CDIP1: variants seen among roughly 807,000 people sequenced by gnomAD.
The protein encoded by CDIP1 is cell death inducing p53 target 1.
A neutral mutation model predicts 17.7 loss-of-function variants in CDIP1; 9 were observed. The observed-to-expected ratio is 0.51, with a 90% CI of 0.31 to 0.89. The LOEUF is 0.89. Among genes scored for constraint, CDIP1 ranks in the 40% least tolerant of loss-of-function variants. The pLI is 0.05. For missense variants in CDIP1, 263 were observed against 277.9 expected (o/e 0.95, Z 0.38); for synonymous variants, 117 against 109.5 (o/e 1.07, Z -0.43).
intron 1 of CDIP1, among the ~76,000 whole-genome samples, chr16:4,535,412 T>C (rs929551668): frequency 6.6e-6 from 1 of 152,232 alleles, no homozygotes; most frequent in Non-Finnish European, 1.5e-5. Context: ...GCATCACAAC[T>C]GCTTTCAAGG....
intron 1 of CDIP1, among the ~76,000 whole-genome samples, chr16:4,520,221 C>T (rs972397854): frequency 3.9e-4 from 60 of 151,952 alleles, no homozygotes; most frequent in African/African-American, 1.4e-3. Flanking sequence ...AAGCGATTCT[C>T]CTGCCTCAGC....
chr16:4,538,166 A>G (rs547674394), intron 1 of CDIP1, among the ~76,000 whole-genome samples: 1 of 152,220 alleles, frequency 6.6e-6, no homozygotes, highest in African/African-American at 2.4e-5. Context: ...GCAGGCTGCC[A>G]TTCCGGGCGC....
intron 1 of CDIP1, among the ~76,000 whole-genome samples, chr16:4,531,363 A>T (rs763606801): frequency 1.3e-5 from 2 of 150,282 alleles, no homozygotes; most frequent in Admixed American, 6.7e-5. Context: ...GGGTTTCGCC[A>T]TGTTTGCCAT....
At chr16:4,537,068 G>C (rs1449563527) in intron 1 of CDIP1, among the ~76,000 whole-genome samples, 1 of 152,010 alleles carries the variant, frequency 6.6e-6, no homozygotes, top group African/African-American at 2.4e-5. Flanking sequence ...CTTCCATTAA[G>C]GTAAAAACCA....
At chr16:4,532,886 C>T (rs554548305) in intron 1 of CDIP1, 2 of 152,416 alleles carry the variant, frequency 1.3e-5, no homozygotes, top group African/African-American at 4.8e-5. Flanking sequence ...AATCTGAGAT[C>T]TGAGAAGTGC....
At chr16:4,532,572 C>T (rs536288919) in intron 1 of CDIP1, 2 of 152,338 alleles carry the variant, frequency 1.3e-5, no homozygotes, top group East Asian at 1.9e-4. Flanking sequence ...TTGCAGAGAG[C>T]TTGGGAAATC....
intron 1 of CDIP1, among the ~76,000 whole-genome samples, chr16:4,529,274 G>A (rs761917896): frequency 6.6e-6 from 1 of 152,192 alleles, no homozygotes; most frequent in Non-Finnish European, 1.5e-5. Flanking sequence ...TAGCCTAGGA[G>A]ACCCCGCCAG....
intron 1 of CDIP1, among the ~76,000 whole-genome samples, chr16:4,534,043 C>G (rs142715274): frequency 3.3e-5 from 5 of 152,076 alleles, no homozygotes; most frequent in East Asian, 1.9e-4. Flanking sequence ...CCCCAACTCC[C>G]GAGTTCAAGC....
chr16:4,519,323 G>A (rs2058920624), intron 1 of CDIP1, among the ~76,000 whole-genome samples: 2 of 152,190 alleles, frequency 1.3e-5, no homozygotes, highest in Admixed American at 6.5e-5. Flanking sequence ...GCGGACACCA[G>A]GTGGACGTCT....
At chr16:4,526,986 T>C (rs2059007459) in intron 1 of CDIP1, among the ~76,000 whole-genome samples, 1 of 151,838 alleles carries the variant, frequency 6.6e-6, no homozygotes, top group Non-Finnish European at 1.5e-5. Context: ...TTATCAAGAA[T>C]TGTGATGAGT....
rs371508965 is a variant in CDIP1, at chr16:4,531,264, G to A, written c.-105+7438C>T. Among the ~76,000 whole-genome samples the A allele has an allele frequency of 8.6e-5, 13 of 151,940 alleles. No individual in the cohort carries two copies. The East Asian group carries it at 1.2e-3, about 14-fold the overall frequency. ...AGGATGGTCTCGATCTCCCGACCTCGTGATCCGCCTACCTCGGCCTCCCAA... is the reference window on the plus strand; with the variant it reads ...AGGATGGTCTCGATCTCCCGACCTCATGATCCGCCTACCTCGGCCTCCCAA... On this transcript the variant is annotated intron_variant, in intron 1 of 5. Transcript: ENST00000567695.
At chr16:4,536,595 A>T (rs929890068) in intron 1 of CDIP1, 1 of 152,084 alleles carries the variant, frequency 6.6e-6, no homozygotes, top group South Asian at 2.1e-4. Context: ...CATACAGTCA[A>T]TGTTCTGCTC....
chr16:4,533,958 TTTTG>T (rs763558732), intron 1 of CDIP1, among the ~76,000 whole-genome samples: 1 of 152,028 alleles, frequency 6.6e-6, no homozygotes, highest in African/African-American at 2.4e-5. Flanking sequence ...TGCCATTCTT[TTTTG>T]TTTGTTTTGA....
chr16:4,521,269 GTGT>G lies in CDIP1; in HGVS notation c.-104-6608_-104-6606del, dbSNP rs550822479. ...AGAGGCATGGTAACAAATCATGGCCGTGTTATTATTAAAACAGTTCTGATCCTA... is the reference window on the plus strand; with the variant it reads ...AGAGGCATGGTAACAAATCATGGCCGTATTATTAAAACAGTTCTGATCCTA... On this transcript the variant is annotated intron_variant, in intron 1 of 5. Coordinates refer to ENST00000567695, the MANE Select transcript of CDIP1 (RefSeq NM_013399.3). 9.3e-4 allele frequency among the ~76,000 whole-genome samples: 142 copies of G among 152,238 alleles called. 1 individual carries two copies. Among genetic ancestry groups the G allele is most frequent in the Middle Eastern group, 3.4e-3 (1 of 294 alleles).
Position 4,512,697 on chromosome 16 carries a change from A to G in CDIP1, c.516-14T>C. 1 of 1,610,166 alleles carries G rather than the reference A, an allele frequency of 6.2e-7. No homozygotes were observed. Among genetic ancestry groups the G allele is most frequent in the East Asian group, 2.2e-5 (1 of 44,758 alleles). ...CCCAGATCACATCTGAATCAGAGAC[A>G]GGGAAGAACAGGCTGAGGCCTGCTG... On this transcript the variant is annotated splice_polypyrimidine_tract_variant and intron_variant, in intron 5 of 5. Transcript: ENST00000567695. The surrounding 1 kb of genome is among the most constrained non-coding windows in gnomAD (Gnocchi z 4.6).
At chr16:4,533,881 G>C (rs2059079747) in intron 1 of CDIP1, among the ~76,000 whole-genome samples, 1 of 152,146 alleles carries the variant, frequency 6.6e-6, no homozygotes, top group African/African-American at 2.4e-5. Flanking sequence ...GCCCTGCTTG[G>C]TGCCTAGTCC....
chr16:4,533,630 G>A (rs914023318), intron 1 of CDIP1: 5 of 152,252 alleles, frequency 3.3e-5, no homozygotes, highest in African/African-American at 9.7e-5. Flanking sequence ...ACAGGGAAGA[G>A]TCTGGACTTG....
chr16:4,510,928 G>A lies in CDIP1; in HGVS notation c.*1644C>T, dbSNP rs7702. 6.6e-6 allele frequency: 1 copy of A among 152,084 alleles called. No homozygotes were observed. 9.4% of individuals were successfully genotyped at this position (152,084 alleles called of 1,614,324 possible). ...GCCTGTCAGCCTCAGCCCAGTCTGTGTTGCTTAAGGGTGCGCCTCCCCAGG... is the reference window on the plus strand; with the variant it reads ...GCCTGTCAGCCTCAGCCCAGTCTGTATTGCTTAAGGGTGCGCCTCCCCAGG... On this transcript the variant is annotated 3_prime_UTR_variant, in exon 6 of 6. Coordinates refer to ENST00000567695, the MANE Select transcript of CDIP1 (RefSeq NM_013399.3).
intron 1 of CDIP1, among the ~76,000 whole-genome samples, chr16:4,522,702 CAAG>C (rs1273679809): frequency 1.3e-5 from 2 of 152,206 alleles, no homozygotes; most frequent in African/African-American, 2.4e-5. Flanking sequence ...AAGGCCAAAG[CAAG>C]AAGTGAGCCA....
Sources: allele counts gnomAD v4.1 joint callset (sites outside exome capture counted in the v4.1 genomes callset), GRCh38; gene constraint gnomAD v4.1.1; non-coding constraint Gnocchi (gnomAD v3.1); transcripts MANE v1.5; gene names NCBI Gene and HGNC (gene_info 2026-07-23, HGNC 2026-07-21).